DACH2: variants seen among roughly 807,000 people sequenced by gnomAD.
DACH2 encodes the protein dachshund homolog 2.
A neutral mutation model predicts 35.8 loss-of-function variants in DACH2; 17 were observed. That is an observed-to-expected ratio of 0.48 (90% CI 0.33 to 0.71). DACH2 has a LOEUF of 0.71. Ranked by LOEUF, DACH2 falls within the 30% of genes least tolerant of loss-of-function variation. The pLI is 0.02. For synonymous variants in DACH2, 195 were observed against 177.3 expected (o/e 1.10, Z -0.79); for missense variants, 469 against 472.7 (o/e 0.99, Z 0.07).
At chrX:86,824,688 C>A (rs1448966854) in intron 11 of DACH2, among the ~76,000 whole-genome samples, 17 of 112,116 alleles carry the variant, frequency 1.5e-4, no homozygotes, top group African/African-American at 5.5e-4. Context: ...CTTCCTGCAA[C>A]ATTTCACAAA....
intron 2 of DACH2, among the ~76,000 whole-genome samples, chrX:86,432,680 G>A (rs1267981177): frequency 8.9e-6 from 1 of 111,845 alleles, no homozygotes; most frequent in Non-Finnish European, 1.9e-5. Context: ...TTGGTATAAG[G>A]CAGGTTTGGC....
chrX:86,556,531 C>A (rs2039121248), intron 3 of DACH2, among the ~76,000 whole-genome samples: 1 of 108,410 alleles, frequency 9.2e-6, no homozygotes, highest in Non-Finnish European at 1.9e-5. Context: ...TTGGTATCTG[C>A]TAGTTAGTGT....
At chrX:86,502,433 G>A (rs1301509564) in intron 2 of DACH2, among the ~76,000 whole-genome samples, 1 of 111,694 alleles carries the variant, frequency 9.0e-6, no homozygotes, top group African/African-American at 3.3e-5. Flanking sequence ...TAAATCTTCA[G>A]TGGTTTTCAC....
At chrX:86,599,290 C>T (rs1468610477) in intron 3 of DACH2, among the ~76,000 whole-genome samples, 1 of 110,962 alleles carries the variant, frequency 9.0e-6, no homozygotes, top group Non-Finnish European at 1.9e-5. Context: ...TCATTTCTCT[C>T]AGAATGAAAA....
intron 2 of DACH2, among the ~76,000 whole-genome samples, chrX:86,489,311 A>T (rs1250657472): frequency 1.8e-5 from 2 of 110,708 alleles, no homozygotes; most frequent in African/African-American, 6.5e-5. Context: ...CTCTAGATAG[A>T]TGCATTTAAA....
At chrX:86,235,421 C>T (rs192575749) in intron 1 of DACH2, among the ~76,000 whole-genome samples, 20 of 112,265 alleles carry the variant, frequency 1.8e-4, no homozygotes, top group Admixed American at 1.0e-3. Context: ...TGCGTTTCCC[C>T]GCTTACCTTC....
intron 2 of DACH2, among the ~76,000 whole-genome samples, chrX:86,458,324 C>G (rs780409306): frequency 9.0e-6 from 1 of 111,644 alleles, no homozygotes; most frequent in Admixed American, 9.5e-5. Context: ...GGAATTGTGT[C>G]CTAGATGAAG....
rs765390651 is a variant in DACH2, at chrX:86,692,371, C to T, written c.773-2650C>T. ...TAATGCTACCCCTCCCCCCTCCACC[C>T]GCCCCACCTTTTCTGTCATTAACAT... On this transcript the variant is annotated intron_variant, in intron 4 of 11. Transcript: ENST00000373125. Among the ~76,000 whole-genome samples, 9 of 110,843 alleles carry T rather than the reference C, an allele frequency of 8.1e-5. No individual in the cohort carries two copies. The South Asian group carries it at 3.1e-3, about 38-fold the overall frequency.
At chrX:86,303,811 A>G (rs1404430489) in intron 1 of DACH2, among the ~76,000 whole-genome samples, 1 of 110,815 alleles carries the variant, frequency 9.0e-6, no homozygotes, top group Non-Finnish European at 1.9e-5. Context: ...AAAATAATAA[A>G]TACTATTCAA....
chrX:86,701,578 A>C (rs1410735517), intron 5 of DACH2, among the ~76,000 whole-genome samples: 1 of 111,775 alleles, frequency 8.9e-6, no homozygotes, highest in Non-Finnish European at 1.9e-5. Context: ...ACTATCCCTA[A>C]TTGCAGATGA....
intron 7 of DACH2, among the ~76,000 whole-genome samples, chrX:86,773,882 G>A (rs1014028655): frequency 8.1e-5 from 9 of 111,354 alleles, no homozygotes; most frequent in African/African-American, 2.9e-4. Flanking sequence ...TCTAATCATT[G>A]TAGAAAATGT....
intron 1 of DACH2, among the ~76,000 whole-genome samples, chrX:86,156,867 G>A (rs1396530608): frequency 9.0e-6 from 1 of 111,234 alleles, no homozygotes; most frequent in African/African-American, 3.3e-5. Context: ...ACAAATACAT[G>A]TTAAAAAGAA....
rs762617018 is a variant in DACH2, at chrX:86,827,695, C to T, written c.1751-4411C>T. On this transcript the variant is annotated intron_variant, in intron 11 of 11. Coordinates refer to ENST00000373125, the MANE Select transcript of DACH2 (RefSeq NM_053281.3). ...TGAGTTTGTGGTTTTCAGTGAAGTGCATTGAGTAGATTTTGAATTTTCTTT... is the reference window on the plus strand; with the variant it reads ...TGAGTTTGTGGTTTTCAGTGAAGTGTATTGAGTAGATTTTGAATTTTCTTT... The T allele has an allele frequency of 7.7e-5, 71 of 926,948 alleles. No individual in the cohort carries two copies. In the East Asian group the frequency reaches 9.1e-4, roughly 12 times the overall value. 76.4% of individuals were successfully genotyped at this position (926,948 alleles called of 1,213,427 possible). A position where few individuals can be genotyped will look rare whatever the true frequency, so the allele number is the denominator to read the frequency against.
chrX:86,315,816 C>T (rs1171411285), intron 1 of DACH2, among the ~76,000 whole-genome samples: 1 of 97,952 alleles, frequency 1.0e-5, no homozygotes, highest in Admixed American at 1.1e-4. Context: ...CACACACACA[C>T]ACACACACAC....
At chrX:86,572,108 G>C (rs1442182239) in intron 3 of DACH2, among the ~76,000 whole-genome samples, 1 of 110,982 alleles carries the variant, frequency 9.0e-6, no homozygotes, top group African/African-American at 3.3e-5. Context: ...TGCGGGGAAG[G>C]GGGAGGGATA....
chrX:86,832,602 G>T lies in DACH2; in HGVS notation c.*447G>T. On this transcript the variant is annotated 3_prime_UTR_variant, in exon 12 of 12. Coordinates refer to ENST00000373125, the MANE Select transcript of DACH2 (RefSeq NM_053281.3). ...GCGTAAATAAAAACATTTTGACTTT[G>T]TCAATTGTCACTGAGTATTTCTTTT... 1 of 116,213 alleles carries T rather than the reference G, an allele frequency of 8.6e-6. No individual in the cohort carries two copies. The highest frequency in any genetic ancestry group is 9.4e-5 in the Admixed American group (1 of 10,644). The allele number at this position is 116,213 out of a possible 1,213,427, so 9.6% of individuals were successfully genotyped here. A position where few individuals can be genotyped will look rare whatever the true frequency, so the allele number is the denominator to read the frequency against.
intron 3 of DACH2, among the ~76,000 whole-genome samples, chrX:86,596,241 C>T (rs546860027): frequency 1.1e-4 from 12 of 111,700 alleles, no homozygotes; most frequent in Admixed American, 4.8e-4. Flanking sequence ...TGAGTATTTA[C>T]GTAAGAGTAG....
chrX:86,416,763 A>AAG (rs1196266424), intron 2 of DACH2, among the ~76,000 whole-genome samples: 2 of 110,461 alleles, frequency 1.8e-5, no homozygotes, highest in African/African-American at 6.6e-5. Flanking sequence ...GAGAGGGAGC[A>AAG]AGAGAGAGAG....
intron 3 of DACH2, among the ~76,000 whole-genome samples, chrX:86,574,047 G>A (rs1259882574): frequency 1.8e-5 from 2 of 111,507 alleles, no homozygotes; most frequent in Admixed American, 9.6e-5. Context: ...CTAAATGACC[G>A]AAGTGTTTAG....
Sources: allele counts gnomAD v4.1 joint callset (sites outside exome capture counted in the v4.1 genomes callset), GRCh38; gene constraint gnomAD v4.1.1; transcripts MANE v1.5; gene names NCBI Gene and HGNC (gene_info 2026-07-23, HGNC 2026-07-21).